The following ZNF385D variants were observed in gnomAD, a reference collection of about 807,000 sequenced individuals.
The protein encoded by ZNF385D is zinc finger protein 385D.
ZNF385D carries 15 observed loss-of-function variants against 35.8 expected under a neutral mutation model. The ratio of observed to expected loss-of-function variants is 0.42; its 90% CI spans 0.28 to 0.64. The LOEUF is 0.64. Among genes scored for constraint, ZNF385D ranks in the 30% least tolerant of loss-of-function variants. The probability of loss-of-function intolerance (pLI) is 0.23; values close to 1 mark genes in which losing one functional copy is unlikely to be tolerated. For missense variants in ZNF385D, 474 were observed against 494.6 expected (o/e 0.96, Z 0.39); for synonymous variants, 212 against 186.8 (o/e 1.13, Z -1.10).
intron 5 of ZNF385D, among the ~76,000 whole-genome samples, chr3:21,432,351 A>C (rs1050443502): frequency 6.6e-6 from 1 of 152,172 alleles, no homozygotes; most frequent in African/African-American, 2.4e-5. Flanking sequence ...AAAGTCTGTC[A>C]TTTGATAACT....
intron 3 of ZNF385D, among the ~76,000 whole-genome samples, chr3:22,099,343 A>G (rs1178361866): frequency 1.3e-5 from 2 of 152,162 alleles, no homozygotes; most frequent in East Asian, 1.9e-4. Context: ...ATAGTCATGT[A>G]GTCCATAAGA....
rs767586887 is a variant in ZNF385D, at chr3:21,417,133, G to A, written c.*4081C>T. The A allele has an allele frequency of 5.3e-5, 8 of 152,056 alleles. No homozygotes were observed. The highest frequency in any genetic ancestry group is 1.9e-4 in the East Asian group (1 of 5,192). The allele number at this position is 152,056 out of a possible 1,614,324, so 9.4% of individuals were successfully genotyped here. ...TACACTCAGGATGGAAAGGAATACA[G>A]AATATTTTTCTGGACATATGCAAGT... On this transcript the variant is annotated 3_prime_UTR_variant, in exon 8 of 8. Coordinates refer to ENST00000281523, the MANE Select transcript of ZNF385D (RefSeq NM_024697.3).
intron 2 of ZNF385D, among the ~76,000 whole-genome samples, chr3:22,314,536 G>T (rs540162956): frequency 1.3e-5 from 2 of 152,068 alleles, no homozygotes; most frequent in Admixed American, 1.3e-4. Flanking sequence ...ATGGGCATTT[G>T]GGTTAACACA....
At chr3:22,350,242 C>T (rs2125495432) in intron 2 of ZNF385D, among the ~76,000 whole-genome samples, 1 of 152,210 alleles carries the variant, frequency 6.6e-6, no homozygotes, top group South Asian at 2.1e-4. Flanking sequence ...TGTGTCTCCA[C>T]TTTGCATTGT....
chr3:21,637,356 G>T lies in ZNF385D; in HGVS notation c.165+27530C>A, dbSNP rs571686648. On this transcript the variant is annotated intron_variant, in intron 2 of 7. Coordinates refer to ENST00000281523, the MANE Select transcript of ZNF385D (RefSeq NM_024697.3). Reference sequence around the variant, plus strand: ...ATCCCAGCACCATTTGTTGAAAAGGGTGTCCTTTCCCCACTTTATGTTTTT... The same window carrying T: ...ATCCCAGCACCATTTGTTGAAAAGGTTGTCCTTTCCCCACTTTATGTTTTT... 2.0e-5 allele frequency among the ~76,000 whole-genome samples: 3 copies of T among 152,154 alleles called. No homozygotes were observed. In the East Asian group the frequency reaches 5.8e-4, roughly 30 times the overall value.
At chr3:22,157,574 C>A (rs551798611) in intron 3 of ZNF385D, among the ~76,000 whole-genome samples, 1 of 152,066 alleles carries the variant, frequency 6.6e-6, no homozygotes, top group Non-Finnish European at 1.5e-5. Flanking sequence ...ATTAAATATT[C>A]TTGCATTAAT....
At chr3:21,814,787 T>C (rs1435409221) in intron 3 of ZNF385D, among the ~76,000 whole-genome samples, 1 of 152,022 alleles carries the variant, frequency 6.6e-6, no homozygotes, top group African/African-American at 2.4e-5. Flanking sequence ...GACAGAAAGT[T>C]AACAAGGATA....
chr3:21,921,144 A>G (rs1700439197), intron 3 of ZNF385D, among the ~76,000 whole-genome samples: 1 of 143,762 alleles, frequency 7.0e-6, no homozygotes, highest in African/African-American at 2.6e-5. Flanking sequence ...AATGGTGTGA[A>G]CCCGGGAGGC....
chr3:21,809,906 C>A (rs931947460), intron 3 of ZNF385D, among the ~76,000 whole-genome samples: 1 of 151,944 alleles, frequency 6.6e-6, no homozygotes, highest in South Asian at 2.1e-4. Flanking sequence ...ATAAAAATAA[C>A]CTGAAAACAA....
chr3:22,115,017 CT>C (rs1387181920), intron 3 of ZNF385D, among the ~76,000 whole-genome samples: 1 of 152,062 alleles, frequency 6.6e-6, no homozygotes. Flanking sequence ...AATCTCTTCT[CT>C]TTTCTGTATA....
chr3:21,649,672 C>T (rs1047270949), intron 2 of ZNF385D, among the ~76,000 whole-genome samples: 9 of 151,984 alleles, frequency 5.9e-5, no homozygotes, highest in African/African-American at 1.5e-4. Flanking sequence ...ATATTGAATG[C>T]AAAACCGGAT....
chr3:21,431,651 G>A (rs1228031176), intron 5 of ZNF385D, among the ~76,000 whole-genome samples: 1 of 152,120 alleles, frequency 6.6e-6, no homozygotes, highest in Non-Finnish European at 1.5e-5. Flanking sequence ...AGCACAGGGA[G>A]TTATGAGGCT....
At chr3:21,481,057 G>C (rs750970345) in intron 4 of ZNF385D, among the ~76,000 whole-genome samples, 20 of 152,246 alleles carry the variant, frequency 1.3e-4, no homozygotes, top group African/African-American at 3.4e-4. Context: ...GTGAGAGGTG[G>C]TGAGAAACAA....
intron 2 of ZNF385D, among the ~76,000 whole-genome samples, chr3:22,370,540 C>A (rs542780126): frequency 2.0e-5 from 3 of 152,144 alleles, no homozygotes; most frequent in Non-Finnish European, 4.4e-5. Context: ...ATTACAATCA[C>A]TGTATGAATT....
At chr3:21,817,292 T>A (rs550159663) in intron 3 of ZNF385D, among the ~76,000 whole-genome samples, 86 of 152,242 alleles carry the variant, frequency 5.6e-4, no homozygotes, top group Non-Finnish European at 9.9e-4. Context: ...TTCATGACTA[T>A]AACACCAAAA....
At chr3:21,976,305 A>G (rs1002349977) in intron 3 of ZNF385D, among the ~76,000 whole-genome samples, 1 of 152,192 alleles carries the variant, frequency 6.6e-6, no homozygotes, top group South Asian at 2.1e-4. Flanking sequence ...AAACATATCT[A>G]CATGTGACAC....
chr3:22,078,809 AAAT>A (rs1425064052), intron 3 of ZNF385D, among the ~76,000 whole-genome samples: 7 of 152,092 alleles, frequency 4.6e-5, no homozygotes, highest in Admixed American at 3.9e-4. Flanking sequence ...TATGGTTTCA[AAAT>A]AATATGGATA....
upstream of ZNF385D, among the ~76,000 whole-genome samples, chr3:21,754,581 CTCAAAGGTTTA>C (rs536840920): frequency 5.9e-5 from 9 of 152,192 alleles, no homozygotes; most frequent in South Asian, 1.9e-3. Context: ...TCAAATATTG[CTCAAAGGTTTA>C]TCAGTGTACT....
intron 2 of ZNF385D, among the ~76,000 whole-genome samples, chr3:22,278,635 G>T (rs892203606): frequency 6.6e-6 from 1 of 152,076 alleles, no homozygotes; most frequent in African/African-American, 2.4e-5. Flanking sequence ...TAGGGTCAAA[G>T]GCTGGAAAAT....
Sources: gnomAD v4.1 joint callset for allele counts (sites outside exome capture counted in the v4.1 genomes callset) on GRCh38, gnomAD v4.1.1 for gene constraint, MANE v1.5 for transcripts, NCBI Gene and HGNC (gene_info 2026-07-23, HGNC 2026-07-21) for gene names.